The following MXRA8 variants were observed in gnomAD, a reference collection of about 807,000 sequenced individuals.
The protein encoded by MXRA8 is matrix remodeling associated 8.
Under a neutral mutation model 51.4 loss-of-function variants are expected in MXRA8, and 44 were observed. The observed-to-expected ratio is 0.86, with a 90% CI of 0.67 to 1.10. The LOEUF (loss-of-function observed/expected upper bound fraction) is 1.10, where lower values mean the gene tolerates loss of function less well. MXRA8 is among the 50% of genes least tolerant of loss of function. The probability of loss-of-function intolerance (pLI) is 0.00; values close to 1 mark genes in which losing one functional copy is unlikely to be tolerated. For missense variants in MXRA8, 765 were observed against 638.9 expected, an observed-to-expected ratio of 1.20 and a Z score of -2.13; for synonymous variants, 369 against 293.5, an observed-to-expected ratio of 1.26 and a Z score of -2.63.
At chr1:1,357,970 A>G (rs1008887133) in intron 1 of MXRA8, among the ~76,000 whole-genome samples, 1 of 152,074 alleles carries the variant, frequency 6.6e-6, no homozygotes, top group African/African-American at 2.4e-5. Context: ...GTGTCTCTAG[A>G]TCACTGGGGG....
chr1:1,361,665 G>A (rs968795944), upstream of MXRA8: 11 of 287,500 alleles, frequency 3.8e-5, no homozygotes, highest in East Asian at 2.4e-4. Flanking sequence ...ATTCGCCGCC[G>A]CCGCACCTGC....
upstream of MXRA8, among the ~76,000 whole-genome samples, chr1:1,361,049 G>C (rs998842547): frequency 3.3e-5 from 5 of 151,370 alleles, no homozygotes; most frequent in Non-Finnish European, 7.4e-5. Flanking sequence ...AAGACACGGA[G>C]ACACAGATAC....
chr1:1,354,395 A>G lies in MXRA8; in HGVS notation c.1064T>C (p.Leu355Pro). Residue 355 changes from leucine to proline, a missense_variant, in exon 6 of 10, where the codon CTA (leucine) becomes CCA (proline). Physicochemically the swap from Leu to Pro is moderately conservative, Grantham distance 98. Coordinates refer to ENST00000309212, the MANE Select transcript of MXRA8 (RefSeq NM_032348.4). ...VLATLLLFIL[L>P]LVTVLLAARR... is the part of the protein sequence containing the mutation. ...GGCGGCCAGGAGGACAGTGACCAGT[A>G]GCAGGATGAAGAGCAGCAGCGTGGC... is the stretch of plus-strand genomic sequence containing the variant. The G allele has an allele frequency of 6.2e-7, 1 of 1,612,352 alleles. No homozygotes were observed. The highest frequency in any genetic ancestry group is 1.3e-5 in the African/African-American group (1 of 75,058).
At chr1:1,359,545 C>A (rs1461441685), upstream of MXRA8, 4 of 985,280 alleles carry the variant, frequency 4.1e-6, no homozygotes, top group Non-Finnish European at 4.8e-6. Context: ...CCCCGAGGGC[C>A]CCAGCTGGGT....
chr1:1,363,438 C>CTTT (rs71490532), upstream of MXRA8, among the ~76,000 whole-genome samples: 443 of 144,414 alleles, frequency 3.1e-3, 2 homozygotes, highest in African/African-American at 4.2e-3. Context: ...TCAGTTTTTT[C>CTTT]TTTTTTTTTT....
rs1442165336 is a variant in MXRA8, at chr1:1,356,683, G to A, written c.71C>T (p.Ser24Leu). The A allele has an allele frequency of 7.0e-7, 1 of 1,422,844 alleles. No individual in the cohort carries two copies. Among genetic ancestry groups the A allele is most frequent in the Non-Finnish European group, 9.3e-7 (1 of 1,076,022 alleles). 88.1% of individuals were successfully genotyped at this position (1,422,844 alleles called of 1,614,324 possible). ...LLQSSAVLLH[S>L]GSSVPAAAGS... ...CAGCTGGGGCTGGGGTCACTAACCTGAGTGCAGGAGAACAGCAGAGCCTGG... is the reference window on the plus strand; with the variant it reads ...CAGCTGGGGCTGGGGTCACTAACCTAAGTGCAGGAGAACAGCAGAGCCTGG... The change falls in exon 2 of 10, where the codon TCA becomes TTA. Residue 24 changes from serine to leucine, a missense_variant and splice_region_variant. Coordinates refer to ENST00000309212, the MANE Select transcript of MXRA8 (RefSeq NM_032348.4).
In MXRA8 at chr1:1,355,134, T is replaced by C. The variant is rs776503945; in HGVS notation, c.497A>G (p.Tyr166Cys). 1 of 1,452,686 alleles carries C rather than the reference T, an allele frequency of 6.9e-7. No individual in the cohort carries two copies. The highest frequency in any genetic ancestry group is 3.0e-5 in the Admixed American group (1 of 32,976). The allele number at this position is 1,452,686 out of a possible 1,614,324, so 90.0% of individuals were successfully genotyped here. A position where few individuals can be genotyped will look rare whatever the true frequency, so the allele number is the denominator to read the frequency against. ...CAGCACCTCCTTCTCGCCGTCCCAG[T>C]AGGCGGGGGTGGCCGGGGCTGCGGA... ...VTDGPPATPAYWDGEKEVLAV... is the reference protein window; with the variant it reads ...VTDGPPATPACWDGEKEVLAV... Residue 166 changes from tyrosine (Y) to cysteine (C), a missense_variant, in exon 5 of 10, where the codon TAC (tyrosine) becomes TGC (cysteine). Coordinates refer to ENST00000309212, the MANE Select transcript of MXRA8 (RefSeq NM_032348.4).
chr1:1,358,190 G>A (rs1256937073), intron 1 of MXRA8, among the ~76,000 whole-genome samples: 1 of 152,208 alleles, frequency 6.6e-6, no homozygotes, highest in Non-Finnish European at 1.5e-5. Context: ...GAGGGGCCCC[G>A]AGGGAGACGC....
In MXRA8 at chr1:1,355,070, C is replaced by A; in HGVS notation, c.561G>T (p.Val187=). 1 of 1,600,478 alleles carries A rather than the reference C, an allele frequency of 6.2e-7. No homozygotes were observed. The part of the protein sequence containing the change: ...ARGAPALLTC[V]NRGHVWTDRH... ...GGTCGGTCCACACGTGCCCGCGGTT[C>A]ACGCAGGTCAGAAGCGCGGGTGCGC... The change falls in exon 5 of 10, where the codon GTG becomes GTT. Residue 187 remains valine (V), a synonymous_variant. Transcript: ENST00000309212.
intron 8 of MXRA8, 28 bp from the exon 9 acceptor site, chr1:1,353,956 C>A (rs767629055): frequency 3.0e-5 from 48 of 1,604,518 alleles, no homozygotes; most frequent in Non-Finnish European, 4.1e-5. Flanking sequence ...GCTGAGGTCC[C>A]CGCTCCCAGG....
chr1:1,359,693 G>T (rs143056311), upstream of MXRA8, among the ~76,000 whole-genome samples: 1 of 151,582 alleles, frequency 6.6e-6, no homozygotes, highest in African/African-American at 2.4e-5. Flanking sequence ...GGCAGGACAC[G>T]GACCGGCGTA....
rs1644111757 is a variant in MXRA8, at chr1:1,355,703, C to A, written c.123G>T (p.Ala41=). The A allele has an allele frequency of 2.2e-6, 3 of 1,336,734 alleles. No homozygotes were observed. Among genetic ancestry groups the A allele is most frequent in the African/African-American group, 3.1e-5 (2 of 65,038 alleles). The allele number at this position is 1,336,734 out of a possible 1,614,324, so 82.8% of individuals were successfully genotyped here. A position where few individuals can be genotyped will look rare whatever the true frequency, so the allele number is the denominator to read the frequency against. The change falls in exon 3 of 10, where the codon GCG becomes GCT. Residue 41 remains alanine (A), a synonymous_variant. Coordinates refer to ENST00000309212, the MANE Select transcript of MXRA8 (RefSeq NM_032348.4). ...CCCGGGCGCCCGCCTCCCAGCTCACCGCGGACTCGGACACCACGGAGCTGC... is the reference window on the plus strand; with the variant it reads ...CCCGGGCGCCCGCCTCCCAGCTCACAGCGGACTCGGACACCACGGAGCTGC... ...AAGSSVVSES[A]VSWEAGARAV...
Position 1,355,158 on chromosome 1 carries a change from G to T in MXRA8, c.479-6C>A. ...GTAGGCGGGGGTGGCCGGGGCTGCG[G>T]AGGGGGCGCGGTCAGCGGCGCGCGG... On this transcript the variant is annotated splice_polypyrimidine_tract_variant and splice_region_variant and intron_variant, in intron 4 of 9. Coordinates refer to ENST00000309212, the MANE Select transcript of MXRA8 (RefSeq NM_032348.4). The T allele has an allele frequency of 7.2e-7, 1 of 1,397,618 alleles. No individual in the cohort carries two copies. Among genetic ancestry groups the T allele is most frequent in the Non-Finnish European group, 9.2e-7 (1 of 1,085,728 alleles). The allele number at this position is 1,397,618 out of a possible 1,614,324, so 86.6% of individuals were successfully genotyped here. A position where few individuals can be genotyped will look rare whatever the true frequency, so the allele number is the denominator to read the frequency against.
In MXRA8 at chr1:1,356,645, G is replaced by T; in HGVS notation, c.73+36C>A. The T allele has an allele frequency of 3.0e-6, 4 of 1,314,452 alleles. No homozygotes were observed. In the South Asian group the frequency reaches 8.4e-5, roughly 27 times the overall value. The allele number at this position is 1,314,452 out of a possible 1,614,324, so 81.4% of individuals were successfully genotyped here. ...TGGCAAGATAGGAGGGGCTGAGGGG[G>T]AGTGGGGGTGGGCAGCTGGGGCTGG... On this transcript the variant is annotated intron_variant, in intron 2 of 9. Coordinates refer to ENST00000309212, the MANE Select transcript of MXRA8 (RefSeq NM_032348.4).
At chr1:1,358,841 G>C, upstream of MXRA8, 1 of 1,097,292 alleles carries the variant, frequency 9.1e-7, no homozygotes, top group Non-Finnish European at 1.1e-6. Flanking sequence ...GGAGCCTCCC[G>C]GGCCTGTGGT....
chr1:1,356,274 G>T (rs548744296), intron 2 of MXRA8, among the ~76,000 whole-genome samples: 184 of 134,190 alleles, frequency 1.4e-3, no homozygotes, highest in African/African-American at 4.7e-3. Flanking sequence ...GGGAGACATG[G>T]GGCCCAAGGA....
In MXRA8 at chr1:1,354,058, C is replaced by T. The variant is rs140032389; in HGVS notation, c.1194G>A (p.Met398Ile). 1.1e-3 allele frequency: 1,702 copies of T among 1,612,960 alleles called. 10 individuals carry two copies. In the African/African-American group the frequency reaches 0.02, roughly 19 times the overall value. Reference protein sequence around the residue: ...AEFAVAAGDQMLYRSEDIQLD... With the variant: ...AEFAVAAGDQILYRSEDIQLD... ...GCTGGATGTCCTCACTCCTGTAAAGCATCTGGTCCCCTGCAGCCACAGCGA... is the reference window on the plus strand; with the variant it reads ...GCTGGATGTCCTCACTCCTGTAAAGTATCTGGTCCCCTGCAGCCACAGCGA... Residue 398 changes from methionine to isoleucine, a missense_variant, in exon 8 of 10, where the codon ATG (methionine) becomes ATA (isoleucine). Coordinates refer to ENST00000309212, the MANE Select transcript of MXRA8 (RefSeq NM_032348.4).
Position 1,355,697 on chromosome 1 carries a change from G to C in MXRA8, c.129C>G (p.Ser43Arg). The C allele has an allele frequency of 7.5e-7, 1 of 1,340,980 alleles. No homozygotes were observed. The highest frequency in any genetic ancestry group is 9.5e-7 in the Non-Finnish European group (1 of 1,052,116). 83.1% of individuals were successfully genotyped at this position (1,340,980 alleles called of 1,614,324 possible). A position where few individuals can be genotyped will look rare whatever the true frequency, so the allele number is the denominator to read the frequency against. The change falls in exon 3 of 10, where the codon AGC (serine) becomes AGG (arginine). Residue 43 changes from serine (S) to arginine (R), a missense_variant. Physicochemically the swap from Ser to Arg is moderately radical, Grantham distance 110. Transcript: ENST00000309212. The stretch of plus-strand genomic sequence containing the variant: ...GCACCGCCCGGGCGCCCGCCTCCCA[G>C]CTCACCGCGGACTCGGACACCACGG... ...GSSVVSESAV[S>R]WEAGARAVLR...
In MXRA8 at chr1:1,353,888, G is replaced by C. The variant is rs200778099; in HGVS notation, c.1263C>G (p.Ala421=). The C allele has an allele frequency of 2.5e-6, 4 of 1,608,306 alleles. No individual in the cohort carries two copies. In the East Asian group the frequency reaches 8.9e-5, roughly 36 times the overall value. The change falls in exon 9 of 10, where the codon GCC becomes GCG. Residue 421 remains alanine, a synonymous_variant. Transcript: ENST00000309212. ...TGTACTTGGCAGGCAGGGGGCTGTG[G>C]GCCAGCTCCGCCCTCTCCTTCAGGA... ...NNILKERAEL[A]HSPLPAKYID... is the part of the protein sequence containing the mutation.
Sources: allele counts gnomAD v4.1 joint callset (sites outside exome capture counted in the v4.1 genomes callset), GRCh38; gene constraint gnomAD v4.1.1; transcripts MANE v1.5; gene names NCBI Gene and HGNC (gene_info 2026-07-23, HGNC 2026-07-21).